The following ALX4 variants were observed in gnomAD, a reference collection of about 807,000 sequenced individuals.
ALX4 encodes homeobox protein aristaless-like 4.
In ALX4, 22 loss-of-function variants were observed where a neutral mutation model predicts 40.6. The observed-to-expected ratio is 0.54, with a 90% CI of 0.39 to 0.77. The LOEUF (loss-of-function observed/expected upper bound fraction) is 0.77. Among genes scored for constraint, ALX4 ranks in the 30% least tolerant of loss-of-function variants. The pLI is 0.00. For missense variants in ALX4, 556 were observed against 564.8 expected (o/e 0.98, Z 0.16); for synonymous variants, 266 against 240.5 (o/e 1.11, Z -0.98).
At chr11:44,298,794 C>CA (rs35292801) in intron 1 of ALX4, among the ~76,000 whole-genome samples, 172 of 146,876 alleles carry the variant, frequency 1.2e-3, no homozygotes, top group African/African-American at 3.9e-3. Flanking sequence ...GGAAACCCTG[C>CA]AAAAAAAAAA....
chr11:44,290,910 G>A (rs970889157), intron 1 of ALX4, among the ~76,000 whole-genome samples: 13 of 152,180 alleles, frequency 8.5e-5, no homozygotes, highest in South Asian at 2.1e-4. Flanking sequence ...TCAATGGGAC[G>A]TTGCCATGAT....
chr11:44,272,784 G>C (rs968420829), intron 2 of ALX4, among the ~76,000 whole-genome samples: 2 of 152,106 alleles, frequency 1.3e-5, no homozygotes, highest in Non-Finnish European at 2.9e-5. Context: ...ACTCCAACCT[G>C]GGTGACACAG....
intron 1 of ALX4, among the ~76,000 whole-genome samples, chr11:44,289,297 C>T (rs1363621290): frequency 6.6e-6 from 1 of 152,126 alleles, no homozygotes; most frequent in African/African-American, 2.4e-5. Flanking sequence ...TAGGGCAAAT[C>T]CCAAATTACC....
At chr11:44,279,365 T>A (rs969597616) in intron 1 of ALX4, among the ~76,000 whole-genome samples, 5 of 152,160 alleles carry the variant, frequency 3.3e-5, no homozygotes, top group Non-Finnish European at 5.9e-5. Context: ...TGGCCCTGAG[T>A]TTCTCCGGCC....
chr11:44,288,870 A>G (rs968963296), intron 1 of ALX4, among the ~76,000 whole-genome samples: 14 of 152,234 alleles, frequency 9.2e-5, no homozygotes, highest in Non-Finnish European at 5.9e-5. Flanking sequence ...GAAATGGTGG[A>G]AAGAAAGAAC....
intron 1 of ALX4, among the ~76,000 whole-genome samples, chr11:44,279,795 T>C (rs1168943530): frequency 1.3e-5 from 2 of 152,230 alleles, no homozygotes; most frequent in Non-Finnish European, 1.5e-5. Flanking sequence ...AAGCCCCGAA[T>C]GTCCAGCTCC....
chr11:44,284,530 T>TTTGC (rs36018055), intron 1 of ALX4, among the ~76,000 whole-genome samples: 2,505 of 152,358 alleles, frequency 0.016, 26 homozygotes, highest in Middle Eastern at 0.058. Flanking sequence ...GGTTTTGTTG[T>TTTGC]TTGCTTGCTT....
chr11:44,281,028 A>G (rs1956307034), intron 1 of ALX4, among the ~76,000 whole-genome samples: 5 of 152,314 alleles, frequency 3.3e-5, no homozygotes, highest in Admixed American at 2.6e-4. Context: ...GTTCAACCCA[A>G]TGGCATCACT....
chr11:44,307,482 T>C (rs1053032283), intron 1 of ALX4, among the ~76,000 whole-genome samples: 7 of 152,252 alleles, frequency 4.6e-5, no homozygotes, highest in Non-Finnish European at 8.8e-5. Flanking sequence ...CCTCTGGACC[T>C]GAAGGCATTT....
chr11:44,270,205 A>G (rs1254795127), intron 2 of ALX4, among the ~76,000 whole-genome samples: 2 of 151,790 alleles, frequency 1.3e-5, no homozygotes, highest in South Asian at 4.2e-4. Flanking sequence ...AGTGTGAGGG[A>G]GGAGGAGATG....
At chr11:44,285,613 C>A (rs1956333856) in intron 1 of ALX4, among the ~76,000 whole-genome samples, 1 of 152,090 alleles carries the variant, frequency 6.6e-6, no homozygotes, top group Non-Finnish European at 1.5e-5. Context: ...CACTTCAGAG[C>A]CAATAATGGT....
intron 1 of ALX4, among the ~76,000 whole-genome samples, chr11:44,309,350 G>C (rs1329620981): frequency 6.6e-6 from 1 of 152,260 alleles, no homozygotes; most frequent in Non-Finnish European, 1.5e-5. Context: ...ATGCCGAAGG[G>C]ACCGGGAAAA....
intron 1 of ALX4, among the ~76,000 whole-genome samples, chr11:44,298,008 A>G (rs1590702268): frequency 6.6e-6 from 1 of 152,196 alleles, no homozygotes; most frequent in Non-Finnish European, 1.5e-5. Context: ...CATGTAGCAC[A>G]TTCTAACCAG....
chr11:44,291,337 G>A (rs1464263351), intron 1 of ALX4, among the ~76,000 whole-genome samples: 1 of 152,190 alleles, frequency 6.6e-6, no homozygotes, highest in Non-Finnish European at 1.5e-5. Context: ...CACTCGCCCT[G>A]CCTGTTGTCA....
chr11:44,285,091 A>G (rs1332345039), intron 1 of ALX4, among the ~76,000 whole-genome samples: 1 of 152,188 alleles, frequency 6.6e-6, no homozygotes, highest in Non-Finnish European at 1.5e-5. Flanking sequence ...CAGCCTCCTG[A>G]GTAGCTGGGA....
At chr11:44,283,152 C>T (rs1194741074) in intron 1 of ALX4, among the ~76,000 whole-genome samples, 1 of 150,116 alleles carries the variant, frequency 6.7e-6, no homozygotes, top group Admixed American at 6.7e-5. Context: ...GAGGGTGAGG[C>T]AGGAGAATCG....
At chr11:44,306,357 C>A in intron 1 of ALX4, among the ~76,000 whole-genome samples, 1 of 152,356 alleles carries the variant, frequency 6.6e-6, no homozygotes, top group East Asian at 1.9e-4. Flanking sequence ...AGACTGGAGG[C>A]GGCTTCCCCG....
Position 44,275,380 on chromosome 11 carries a change from T to A in ALX4, c.745A>T (p.Met249Leu). 2 of 1,614,204 alleles carry A rather than the reference T, an allele frequency of 1.2e-6. No homozygotes were observed. The highest frequency in any genetic ancestry group is 1.7e-5 in the Admixed American group (1 of 60,034). The change falls in exon 2 of 4, where the codon ATG becomes TTG. Residue 249 changes from methionine to leucine, a missense_variant. Physicochemically the swap from Met to Leu is conservative, Grantham distance 15. Transcript: ENST00000652299. ...PDVYAREQLA[M>L]RTDLTEARVQ... is the part of the protein sequence containing the mutation. ...CGGGCCTCAGTGAGGTCTGTCCTCA[T>A]GGCCAGCTGTTCCCGCGCATACACG...
At chr11:44,304,242 C>T (rs1433981473) in intron 1 of ALX4, among the ~76,000 whole-genome samples, 2 of 152,248 alleles carry the variant, frequency 1.3e-5, no homozygotes, top group African/African-American at 2.4e-5. Flanking sequence ...GCGCTGCGGG[C>T]GCACATGGCC....
Sources: allele counts gnomAD v4.1 joint callset (sites outside exome capture counted in the v4.1 genomes callset), GRCh38; gene constraint gnomAD v4.1.1; transcripts MANE v1.5; gene names NCBI Gene and HGNC (gene_info 2026-07-23, HGNC 2026-07-21).